Variants in PCDH15 observed in about 807,000 individuals in gnomAD.
The protein encoded by PCDH15 is protocadherin-15.
PCDH15 carries 129 observed loss-of-function variants against 178.5 expected under a neutral mutation model. The ratio of observed to expected loss-of-function variants is 0.72; its 90% CI spans 0.63 to 0.84. PCDH15 has a LOEUF of 0.84. PCDH15 is among the 40% of genes least tolerant of loss of function. The probability of loss-of-function intolerance (pLI) is 0.00; values close to 1 mark genes in which losing one functional copy is unlikely to be tolerated. For synonymous variants in PCDH15, 800 were observed against 732.0 expected (o/e 1.09, Z -1.50); for missense variants, 2,230 against 2,099.9 (o/e 1.06, Z -1.21).
At chr10:54,687,869 C>T (rs2095042170) in intron 1 of PCDH15, among the ~76,000 whole-genome samples, 1 of 151,974 alleles carries the variant, frequency 6.6e-6, no homozygotes, top group Non-Finnish European at 1.5e-5. Context: ...TCTGCCTTAA[C>T]ATCTTTAAGA....
At chr10:54,242,122 TTCTATTTTTATA>T (rs1426964955) in intron 8 of PCDH15, among the ~76,000 whole-genome samples, 1 of 93,388 alleles carries the variant, frequency 1.1e-5, no homozygotes, top group African/African-American at 4.4e-5. Context: ...TTGGTCTGAA[TTCTATTTTTATA>T]TATATATATA....
chr10:55,128,959 C>T (rs890534298), intron 2 of PCDH15, among the ~76,000 whole-genome samples: 7 of 151,938 alleles, frequency 4.6e-5, no homozygotes, highest in Non-Finnish European at 1.0e-4. Context: ...GGATTATCCA[C>T]ATCAGTAGCC....
At chr10:53,945,670 T>C (rs2086481132) in intron 23 of PCDH15, among the ~76,000 whole-genome samples, 1 of 151,722 alleles carries the variant, frequency 6.6e-6, no homozygotes, top group South Asian at 2.1e-4. Context: ...TATTAGAACA[T>C]GCAGTTTTTT....
At chr10:55,158,616 T>TA (rs1838963689) in intron 2 of PCDH15, among the ~76,000 whole-genome samples, 1 of 146,298 alleles carries the variant, frequency 6.8e-6, no homozygotes, top group Non-Finnish European at 1.5e-5. Context: ...GGGTCAAAAA[T>TA]AAAAGCTTTT....
chr10:54,981,741 C>G (rs1265781973), intron 2 of PCDH15, among the ~76,000 whole-genome samples: 3 of 151,882 alleles, frequency 2.0e-5, no homozygotes, highest in Non-Finnish European at 4.4e-5. Flanking sequence ...TGTTTGTTTA[C>G]ATGTTTACTT....
chr10:53,828,205 C>A, intron 31 of PCDH15, among the ~76,000 whole-genome samples: 1 of 18,450 alleles, frequency 5.4e-5, no homozygotes. Context: ...AAAAGTCCGT[C>A]TCAAAAAAAA....
chr10:55,140,049 A>C (rs561780977), intron 2 of PCDH15, among the ~76,000 whole-genome samples: 1 of 152,048 alleles, frequency 6.6e-6, no homozygotes, highest in African/African-American at 2.4e-5. Flanking sequence ...TTCATTTTCA[A>C]TTTTGATATT....
intron 17 of PCDH15, among the ~76,000 whole-genome samples, chr10:54,071,997 T>C (rs2094253154): frequency 6.6e-6 from 1 of 152,132 alleles, no homozygotes; most frequent in Admixed American, 6.5e-5. Flanking sequence ...TTTATTATAA[T>C]TTGTACTACA....
At chr10:54,386,537 T>C (rs1227421704) in intron 3 of PCDH15, among the ~76,000 whole-genome samples, 4 of 152,254 alleles carry the variant, frequency 2.6e-5, no homozygotes, top group South Asian at 4.1e-4. Flanking sequence ...AAAGTGATTA[T>C]CTACTTTCTC....
chr10:54,368,720 A>T (rs1947177796), intron 5 of PCDH15, among the ~76,000 whole-genome samples: 1 of 151,976 alleles, frequency 6.6e-6, no homozygotes, highest in South Asian at 2.1e-4. Flanking sequence ...CTTTACATTT[A>T]TAGAACCGCA....
chr10:54,853,316 T>TATATATAC (rs1554806802), intron 3 of PCDH15, among the ~76,000 whole-genome samples: 22 of 115,130 alleles, frequency 1.9e-4, no homozygotes, highest in African/African-American at 7.6e-4. Context: ...TATATATATA[T>TATATATAC]ATACATACAC....
intron 1 of PCDH15, among the ~76,000 whole-genome samples, chr10:55,284,197 T>G (rs375875308): frequency 2.8e-4 from 42 of 152,260 alleles, no homozygotes; most frequent in African/African-American, 1.0e-3. Flanking sequence ...TACTCAGGCC[T>G]ATGCTATTGA....
At chr10:54,996,664 G>A (rs1839652100) in intron 2 of PCDH15, among the ~76,000 whole-genome samples, 1 of 152,118 alleles carries the variant, frequency 6.6e-6, no homozygotes, top group African/African-American at 2.4e-5. Flanking sequence ...GATTCATTTT[G>A]CTATTGAATG....
intron 1 of PCDH15, among the ~76,000 whole-genome samples, chr10:55,234,931 T>C (rs1482978643): frequency 6.6e-6 from 1 of 151,948 alleles, no homozygotes; most frequent in Non-Finnish European, 1.5e-5. Flanking sequence ...TATAGGAAAA[T>C]GGTAATGCAG....
chr10:54,694,847 C>T (rs1053262256), intron 1 of PCDH15, among the ~76,000 whole-genome samples: 1 of 151,932 alleles, frequency 6.6e-6, no homozygotes, highest in African/African-American at 2.4e-5. Flanking sequence ...AGGAGGAGTC[C>T]CAGGCCTCTC....
At chr10:54,458,322 G>A (rs1048733449) in intron 3 of PCDH15, among the ~76,000 whole-genome samples, 3 of 152,096 alleles carry the variant, frequency 2.0e-5, no homozygotes, top group African/African-American at 7.2e-5. Flanking sequence ...ATATGTGAAT[G>A]TAGTGCTTAG....
At chr10:54,416,200 GGTTT>G (rs1954352516) in intron 3 of PCDH15, among the ~76,000 whole-genome samples, 1 of 151,944 alleles carries the variant, frequency 6.6e-6, no homozygotes, top group Non-Finnish European at 1.5e-5. Flanking sequence ...AAAACGTGCA[GGTTT>G]GTTACAGAAG....
At chr10:54,176,145 A>T (rs969718360) in intron 13 of PCDH15, among the ~76,000 whole-genome samples, 4 of 152,176 alleles carry the variant, frequency 2.6e-5, no homozygotes, top group Admixed American at 6.5e-5. Flanking sequence ...TTGAGGGTAC[A>T]TTAGTCGAGG....
chr10:53,851,671 A>AATATATAT (rs71004485), intron 28 of PCDH15, among the ~76,000 whole-genome samples: 103 of 104,494 alleles, frequency 9.9e-4, no homozygotes, highest in Non-Finnish European at 1.5e-3. Context: ...TCCTCCTAGA[A>AATATATAT]ATATATATAT....
Sources: allele counts gnomAD v4.1 joint callset (sites outside exome capture counted in the v4.1 genomes callset), GRCh38; gene constraint gnomAD v4.1.1; transcripts MANE v1.5; gene names NCBI Gene and HGNC (gene_info 2026-07-23, HGNC 2026-07-21).